ACAT1: variants seen among roughly 807,000 people sequenced by gnomAD.
The protein encoded by ACAT1 is acetyl-CoA acetyltransferase 1.
A neutral mutation model predicts 47.3 loss-of-function variants in ACAT1; 28 were observed. The ratio of observed to expected loss-of-function variants is 0.59; its 90% CI spans 0.44 to 0.81. ACAT1 has a LOEUF of 0.81. Ranked by LOEUF, ACAT1 falls within the 30% of genes least tolerant of loss-of-function variation. The pLI is 0.00. For synonymous variants in ACAT1, 181 were observed against 173.6 expected (o/e 1.04, Z -0.34); for missense variants, 469 against 524.3 (o/e 0.89, Z 1.03).
At chr11:108,141,884 A>C (rs2077594801) in intron 8 of ACAT1, among the ~76,000 whole-genome samples, 184 bp downstream of exon 8, 2 of 152,202 alleles carry the variant, frequency 1.3e-5, no homozygotes, top group Non-Finnish European at 2.9e-5. Context: ...AATCCCAGGG[A>C]AGATATGTAT....
chr11:108,137,884 T>C (rs931751024), intron 5 of ACAT1, among the ~76,000 whole-genome samples: 4 of 152,008 alleles, frequency 2.6e-5, no homozygotes, highest in South Asian at 2.1e-4. Context: ...AAGGCAGAGA[T>C]TGCAGTGAGC....
At chr11:108,145,573 C>G (rs58895803) in intron 10 of ACAT1, among the ~76,000 whole-genome samples, 1 of 151,956 alleles carries the variant, frequency 6.6e-6, no homozygotes, top group African/African-American at 2.4e-5. Context: ...TAGAACCAAG[C>G]AACACACAAT....
upstream of ACAT1, among the ~76,000 whole-genome samples, chr11:108,119,012 A>G (rs569473420): frequency 6.6e-6 from 1 of 152,296 alleles, no homozygotes; most frequent in East Asian, 1.9e-4. Context: ...GCCTAGACCT[A>G]GCAACCAGAC....
chr11:108,141,779 T>A, intron 8 of ACAT1, 79 bp downstream of exon 8: 1 of 614,462 alleles, frequency 1.6e-6, no homozygotes, highest in Non-Finnish European at 2.6e-6. Flanking sequence ...CTAAGGATTT[T>A]GAAAAATTCT....
chr11:108,134,301 G>C lies in ACAT1; in HGVS notation c.319G>C (p.Ala107Pro). The change falls in exon 4 of 12, where the codon GCA (alanine) becomes CCA (proline). Residue 107 changes from alanine to proline, a missense_variant. Ala to Pro is a conservative substitution (Grantham distance 27). Coordinates refer to ENST00000265838, the MANE Select transcript of ACAT1 (RefSeq NM_000019.4). Reference protein sequence around the residue: ...GGEGQAPTRQAVLGAGLPIST... With the variant: ...GGEGQAPTRQPVLGAGLPIST... ...TGAAGGACAAGCTCCTACAAGGCAG[G>C]CAGTATTGGGTGCAGGTACCTGGAA... The C allele has an allele frequency of 6.2e-7, 1 of 1,613,378 alleles. No individual in the cohort carries two copies. The highest frequency in any genetic ancestry group is 8.5e-7 in the Non-Finnish European group (1 of 1,179,610).
intron 7 of ACAT1, 45 bp from the exon 8 acceptor site, chr11:108,141,560 G>C: frequency 2.1e-6 from 3 of 1,451,040 alleles, no homozygotes; most frequent in Non-Finnish European, 2.9e-6. Flanking sequence ...CTTGCTGAAT[G>C]ACTACTTGTT....
chr11:108,140,374 A>G (rs530550186), intron 7 of ACAT1, among the ~76,000 whole-genome samples, 159 bp downstream of exon 7: 2 of 152,330 alleles, frequency 1.3e-5, no homozygotes, highest in African/African-American at 4.8e-5. Context: ...AATCTACCCA[A>G]CTTAATGTCA....
upstream of ACAT1, among the ~76,000 whole-genome samples, chr11:108,117,030 TG>T (rs143212261): frequency 0.024 from 3,699 of 152,094 alleles, 162 homozygotes; most frequent in African/African-American, 0.081. Context: ...TACACAAACA[TG>T]GAAGTGCCTT....
chr11:108,131,372 T>TTTTTTTTTTTTTTTTTG (rs1555031491), intron 1 of ACAT1, among the ~76,000 whole-genome samples: 2 of 142,360 alleles, frequency 1.4e-5, no homozygotes, highest in Non-Finnish European at 1.5e-5. Context: ...TTTTTTTTTT[T>TTTTTTTTTTTTTTTTTG]AGACAGTCTT....
chr11:108,117,769 C>G (rs1329639207), upstream of ACAT1, among the ~76,000 whole-genome samples: 2 of 152,028 alleles, frequency 1.3e-5, no homozygotes, highest in African/African-American at 4.8e-5. Context: ...ATATAATACC[C>G]ACAAGTTTTT....
chr11:108,133,726 T>C, intron 2 of ACAT1, 94 bp from the exon 3 acceptor site: 1 of 1,026,874 alleles, frequency 9.7e-7, no homozygotes, highest in East Asian at 2.6e-5. Flanking sequence ...GACTCATTCA[T>C]AGAAGTGTTT....
chr11:108,119,662 T>TCTCA (rs2077116939), upstream of ACAT1, among the ~76,000 whole-genome samples: 1 of 79,378 alleles, frequency 1.3e-5, no homozygotes, highest in African/African-American at 4.0e-5. Context: ...TCTCTCTCTC[T>TCTCA]CACACACACA....
chr11:108,147,169 T>C, intron 11 of ACAT1, 101 bp from the exon 12 acceptor site: 2 of 1,387,052 alleles, frequency 1.4e-6, no homozygotes, highest in Non-Finnish European at 2.0e-6. Flanking sequence ...CAAGTAGTAG[T>C]GGCTAGTAAG....
In ACAT1 at chr11:108,121,694, C is replaced by A; in HGVS notation, c.72+16C>A. The stretch of plus-strand genomic sequence containing the variant: ...GCTGGTGCAGGTGAGCGGGGTTCGT[C>A]CCCACAGCACTCAGACCCGGGATGC... On this transcript the variant is annotated intron_variant, in intron 1 of 11. Coordinates refer to ENST00000265838, the MANE Select transcript of ACAT1 (RefSeq NM_000019.4). 1 of 1,547,068 alleles carries A rather than the reference C, an allele frequency of 6.5e-7. No individual in the cohort carries two copies. The highest frequency in any genetic ancestry group is 8.7e-7 in the Non-Finnish European group (1 of 1,146,384).
intron 9 of ACAT1, 161 bp downstream of exon 9, chr11:108,142,711 C>A: frequency 1.6e-6 from 1 of 633,712 alleles, no homozygotes; most frequent in Non-Finnish European, 2.9e-6. Context: ...GTGGCATGTG[C>A]CTGTACTACC....
Position 108,137,396 on chromosome 11 carries a change from A to G in ACAT1, c.436-1502A>G, listed in dbSNP as rs139469618. ...GGATACTGTAAAGGCTTTATATATT[A>G]TGCTGAGTTATCTAAGGTGCGAAAT... On this transcript the variant is annotated intron_variant, in intron 5 of 11. Transcript: ENST00000265838. Among the ~76,000 whole-genome samples the G allele has an allele frequency of 5.0e-3, 755 of 152,296 alleles. 6 individuals carry two copies. Among genetic ancestry groups the G allele is most frequent in the African/African-American group, 0.016 (661 of 41,562 alleles).
At chr11:108,134,641 GA>G (rs71047674) in intron 4 of ACAT1, among the ~76,000 whole-genome samples, 20,117 of 64,346 alleles carry the variant, frequency 0.31, 1,798 homozygotes, top group East Asian at 0.49. Flanking sequence ...CTGTCTGAAA[GA>G]AAAAAAAAAA....
upstream of ACAT1, among the ~76,000 whole-genome samples, chr11:108,119,664 A>T (rs7101683): frequency 0.011 from 1,686 of 150,544 alleles, 22 homozygotes; most frequent in African/African-American, 0.039. Context: ...TCTCTCTCTC[A>T]CACACACACA....
chr11:108,146,069 G>A, intron 10 of ACAT1, 133 bp from the exon 11 acceptor site: 1 of 840,674 alleles, frequency 1.2e-6, no homozygotes, highest in Non-Finnish European at 1.9e-6. Flanking sequence ...TGAAAATAGA[G>A]ATCCTTCCAT....
Sources: gnomAD v4.1 joint callset for allele counts (sites outside exome capture counted in the v4.1 genomes callset) on GRCh38, gnomAD v4.1.1 for gene constraint, MANE v1.5 for transcripts, NCBI Gene and HGNC (gene_info 2026-07-23, HGNC 2026-07-21) for gene names.